Variants in COL5A2 observed in about 807,000 individuals in gnomAD.
COL5A2 encodes the protein collagen alpha-2(V) chain.
Under a neutral mutation model 208.2 loss-of-function variants are expected in COL5A2, and 23 were observed. The ratio of observed to expected loss-of-function variants is 0.11; its 90% confidence interval spans 0.08 to 0.16. The LOEUF (loss-of-function observed/expected upper bound fraction) is 0.16, where lower values mean the gene tolerates loss of function less well. Among genes scored for constraint, COL5A2 ranks in the 10% least tolerant of loss-of-function variants. The pLI, the probability that COL5A2 is intolerant of heterozygous loss-of-function variation, is 1.00. For synonymous variants in COL5A2, 625 were observed against 628.5 expected (o/e 0.99, Z 0.08); for missense variants, 1,590 against 1,956.4 (o/e 0.81, Z 3.53).
chr2:189,294,255 T>G, the COL5A2 span, among the ~76,000 whole-genome samples: 1 of 152,162 alleles, frequency 6.6e-6, no homozygotes, highest in Admixed American at 6.5e-5. Flanking sequence ...TGTTTCCAGG[T>G]CTGCTGTTAA....
At chr2:189,087,186 A>C (rs536860007) in intron 8 of COL5A2, among the ~76,000 whole-genome samples, 9 of 152,366 alleles carry the variant, frequency 5.9e-5, no homozygotes, top group African/African-American at 2.2e-4. Flanking sequence ...AAGTTGAATT[A>C]AAGGTTTATG....
At chr2:189,111,863 C>CTT (rs374979665) in intron 1 of COL5A2, among the ~76,000 whole-genome samples, 30 of 145,580 alleles carry the variant, frequency 2.1e-4, no homozygotes, top group African/African-American at 4.3e-4. Context: ...TATTTCTTTT[C>CTT]TTTTTTTTTT....
At chr2:189,298,551 T>C in the COL5A2 span, among the ~76,000 whole-genome samples, 10 of 152,190 alleles carry the variant, frequency 6.6e-5, no homozygotes, top group Non-Finnish European at 1.3e-4. Context: ...CTACACCAGA[T>C]GGTGGGAGTG....
chr2:189,190,891 T>C (rs776956053), intron 1 of COL5A2, among the ~76,000 whole-genome samples: 2 of 152,136 alleles, frequency 1.3e-5, no homozygotes, highest in Non-Finnish European at 2.9e-5. Flanking sequence ...CAGGATATTG[T>C]CCTGGCCCAC....
At chr2:189,102,776 A>G (rs1250049782) in intron 3 of COL5A2, among the ~76,000 whole-genome samples, 1 of 152,138 alleles carries the variant, frequency 6.6e-6, no homozygotes, top group Non-Finnish European at 1.5e-5. Context: ...CAATCGGTCA[A>G]TGAGTTGTAA....
the COL5A2 span, among the ~76,000 whole-genome samples, chr2:189,299,155 T>C: frequency 6.6e-6 from 1 of 152,200 alleles, no homozygotes; most frequent in Admixed American, 6.5e-5. Flanking sequence ...AACTAATAAT[T>C]GAATTTTCCA....
chr2:189,078,467 G>T (rs1216593289), intron 16 of COL5A2, 49 bp downstream of exon 16: 1 of 1,425,582 alleles, frequency 7.0e-7, no homozygotes. Context: ...ATCTGAAAAT[G>T]AATTGAAATA....
the COL5A2 span, among the ~76,000 whole-genome samples, chr2:189,316,937 AC>A: frequency 2.6e-4 from 40 of 151,938 alleles, no homozygotes; most frequent in African/African-American, 9.7e-4. Flanking sequence ...GGAGATGAAG[AC>A]CCCATTCTCC....
At chr2:189,291,391 C>T in the COL5A2 span, among the ~76,000 whole-genome samples, 1 of 152,132 alleles carries the variant, frequency 6.6e-6, no homozygotes. Flanking sequence ...CACATTATTT[C>T]ACCATTCACT....
chr2:189,097,092 C>T (rs2105682553), intron 6 of COL5A2, among the ~76,000 whole-genome samples, 185 bp downstream of exon 6: 1 of 152,220 alleles, frequency 6.6e-6, no homozygotes, highest in South Asian at 2.1e-4. Flanking sequence ...GATTTGACCT[C>T]ATAAGGGACA....
In COL5A2 at chr2:189,132,445, C is replaced by T. The variant is rs531876277; in HGVS notation, c.98-21996G>A. On this transcript the variant is annotated intron_variant, in intron 1 of 53. Coordinates refer to ENST00000374866, the MANE Select transcript of COL5A2 (RefSeq NM_000393.5). ...CCTGGCTGCAGATATTAAGTAAAAA[C>T]TATCTTAACTTTATAATAATTTGAA... is the stretch of plus-strand genomic sequence containing the variant. 1.5e-4 allele frequency among the ~76,000 whole-genome samples: 23 copies of T among 152,284 alleles called. No homozygotes were observed. In the East Asian group the frequency reaches 3.9e-3, roughly 26 times the overall value.
At chr2:189,333,916 T>C in the COL5A2 span, among the ~76,000 whole-genome samples, 1 of 150,912 alleles carries the variant, frequency 6.6e-6, no homozygotes, top group East Asian at 1.9e-4. Flanking sequence ...CTACTGGTAA[T>C]GAAAGGAAGA....
At chr2:189,433,606 C>T in the COL5A2 span, among the ~76,000 whole-genome samples, 2 of 152,132 alleles carry the variant, frequency 1.3e-5, no homozygotes, top group Non-Finnish European at 2.9e-5. Flanking sequence ...TTCCTGGACA[C>T]ATACACCCTC....
At chr2:189,175,544 C>CTTTTT (rs35381713) in intron 1 of COL5A2, among the ~76,000 whole-genome samples, 2 of 125,404 alleles carry the variant, frequency 1.6e-5, no homozygotes, top group Non-Finnish European at 1.6e-5. Context: ...AAAAAGAAAA[C>CTTTTT]TTTTTTTTTT....
At chr2:189,041,542 T>C (rs1436441737) in intron 50 of COL5A2, 44 bp downstream of exon 50, 29 of 1,426,794 alleles carry the variant, frequency 2.0e-5, no homozygotes, top group Non-Finnish European at 2.8e-5. Context: ...ATCTGAGCTA[T>C]TGAATAAATA....
intron 1 of COL5A2, among the ~76,000 whole-genome samples, chr2:189,155,099 C>T (rs1438067353): frequency 6.6e-6 from 1 of 152,138 alleles, no homozygotes; most frequent in African/African-American, 2.4e-5. Flanking sequence ...CCCACCTCAG[C>T]CTCCTAAGTA....
Position 189,080,030 on chromosome 2 carries a change from C to T in COL5A2, c.908G>A (p.Gly303Glu). The T allele has an allele frequency of 6.2e-7, 1 of 1,611,750 alleles. No homozygotes were observed. Among genetic ancestry groups the T allele is most frequent in the South Asian group, 1.1e-5 (1 of 91,012 alleles). ...TTTAGGGCCTTCAAGACCTTTGTGT[C>T]CCTGAGAATAAAAATGTAAATTTGT... Reference protein sequence around the residue: ...PGLPGLKGHRGHKGLEGPKGE... With the variant: ...PGLPGLKGHREHKGLEGPKGE... Residue 303 changes from glycine (G) to glutamate (E), a missense_variant and splice_region_variant, in exon 14 of 54, where the codon GGA becomes GAA. Physicochemically the swap from Gly to Glu is moderately conservative, Grantham distance 98 (BLOSUM62 -2). Transcript: ENST00000374866.
At chr2:189,040,671 C>T (rs3923384) in intron 50 of COL5A2, among the ~76,000 whole-genome samples, 131,550 of 152,090 alleles carry the variant, frequency 0.86, 57,801 homozygotes, top group Non-Finnish European at 0.95. Flanking sequence ...TTTTTTTCTT[C>T]CTGTCTCTAA....
chr2:189,433,094 C>T, the COL5A2 span, among the ~76,000 whole-genome samples: 11 of 152,114 alleles, frequency 7.2e-5, no homozygotes, highest in Middle Eastern at 6.8e-3. Context: ...AGGTAAATAA[C>T]GAAATGAATG....
Sources: allele counts gnomAD v4.1 joint callset (sites outside exome capture counted in the v4.1 genomes callset), GRCh38; gene constraint gnomAD v4.1.1; transcripts MANE v1.5; gene names NCBI Gene and HGNC (gene_info 2026-07-23, HGNC 2026-07-21).